Variants in NBAS observed in about 807,000 individuals in gnomAD.
NBAS encodes the protein NAG/BC035112 fusion.
Under a neutral mutation model 302.5 loss-of-function variants are expected in NBAS, and 219 were observed. The observed-to-expected ratio is 0.72, with a 90% CI of 0.65 to 0.81. The LOEUF is 0.81. Among genes scored for constraint, NBAS ranks in the 30% least tolerant of loss-of-function variants. NBAS has a pLI of 0.00. For missense variants in NBAS, 2,932 were observed against 2,841.6 expected (o/e 1.03, Z -0.72); for synonymous variants, 1,118 against 1,021.6 (o/e 1.09, Z -1.80).
At chr2:14,932,224 C>G in the NBAS span, among the ~76,000 whole-genome samples, 54,472 of 151,942 alleles carry the variant, frequency 0.36, 9,968 homozygotes, top group African/African-American at 0.44. Context: ...TGGCATGAAC[C>G]AACCTTTGCA....
At chr2:15,526,504 T>C (rs1662921491) in intron 9 of NBAS, among the ~76,000 whole-genome samples, 2 of 152,174 alleles carry the variant, frequency 1.3e-5, no homozygotes, top group Admixed American at 1.3e-4. Context: ...CAGGCCCACA[T>C]TACTAGAATA....
At chr2:15,250,773 C>T (rs892614919) in intron 44 of NBAS, among the ~76,000 whole-genome samples, 2 of 152,116 alleles carry the variant, frequency 1.3e-5, no homozygotes, top group African/African-American at 4.8e-5. Flanking sequence ...CGTCTCATGC[C>T]GGTTAGAATG....
rs35760010 is a variant in NBAS, at chr2:15,199,896, ATTT to A, written c.6433-9496_6433-9494del. On this transcript the variant is annotated intron_variant, in intron 48 of 51. Coordinates refer to ENST00000281513, the MANE Select transcript of NBAS (RefSeq NM_015909.4). ...CCAAACATTAAAAACAGAAAGCTGG[ATTT>A]TTTTTTTTTTTTTTTTTTTTGAGAC... 8.1e-3 allele frequency among the ~76,000 whole-genome samples: 985 copies of A among 121,396 alleles called. 12 individuals are homozygous for A. The highest frequency in any genetic ancestry group is 0.03 in the African/African-American group (926 of 31,214). 79.6% of individuals were successfully genotyped at this position (121,396 alleles called of 152,430 possible).
chr2:15,300,039 C>T (rs1558514736), intron 40 of NBAS, among the ~76,000 whole-genome samples: 1 of 152,244 alleles, frequency 6.6e-6, no homozygotes. Flanking sequence ...AAAATGCAGG[C>T]GAGGGAGGCA....
chr2:15,026,355 C>A, the NBAS span, among the ~76,000 whole-genome samples: 2 of 42,122 alleles, frequency 4.7e-5, 1 homozygote, highest in Non-Finnish European at 8.1e-5. Flanking sequence ...ACTGGGGAGG[C>A]TGAGGCAGGA....
chr2:15,136,720 T>C, the NBAS span, among the ~76,000 whole-genome samples: 7 of 152,236 alleles, frequency 4.6e-5, no homozygotes, highest in Non-Finnish European at 8.8e-5. Flanking sequence ...GCTTGAATTG[T>C]AGTTCCCACG....
the NBAS span, among the ~76,000 whole-genome samples, chr2:14,850,127 G>A: frequency 7.4e-6 from 1 of 135,188 alleles, no homozygotes. Flanking sequence ...AAAAGGCACA[G>A]ACTGGCAAAT....
chr2:15,374,222 TATAGCTAG>T (rs564336868), intron 31 of NBAS, among the ~76,000 whole-genome samples: 196 of 152,352 alleles, frequency 1.3e-3, no homozygotes, highest in African/African-American at 4.5e-3. Flanking sequence ...TATTTTTATT[TATAGCTAG>T]TTATTAATCT....
the NBAS span, among the ~76,000 whole-genome samples, chr2:14,919,561 T>C: frequency 6.6e-6 from 1 of 152,216 alleles, no homozygotes; most frequent in African/African-American, 2.4e-5. Context: ...TGTTGTTTGA[T>C]AGCATTTTAG....
the NBAS span, among the ~76,000 whole-genome samples, chr2:14,822,089 G>T: frequency 1.3e-5 from 2 of 152,072 alleles, no homozygotes; most frequent in Admixed American, 1.3e-4. Context: ...TTATTAATGC[G>T]ATCATCCTAT....
chr2:15,113,713 C>G, the NBAS span, among the ~76,000 whole-genome samples: 1 of 152,076 alleles, frequency 6.6e-6, no homozygotes, highest in Admixed American at 6.5e-5. Flanking sequence ...TTAGTACCAA[C>G]TCTTTAATTT....
At chr2:15,119,325 T>C in the NBAS span, among the ~76,000 whole-genome samples, 1 of 135,264 alleles carries the variant, frequency 7.4e-6, no homozygotes, top group Admixed American at 7.1e-5. Context: ...TTTTTTTTTT[T>C]TGAGACAGAG....
At chr2:15,309,834 A>G (rs1671198730) in intron 38 of NBAS, among the ~76,000 whole-genome samples, 1 of 152,192 alleles carries the variant, frequency 6.6e-6, no homozygotes, top group Admixed American at 6.5e-5. Context: ...TTTTTACACA[A>G]ACCACAACTT....
In NBAS at chr2:15,493,004, G is replaced by A. The variant is rs539849216; in HGVS notation, c.955-3982C>T. 3.7e-4 allele frequency among the ~76,000 whole-genome samples: 57 copies of A among 152,288 alleles called. No homozygotes were observed. The South Asian group carries it at 0.011, about 30-fold the overall frequency. ...TTATTGTAATCCCCATGTGTCAGGGGAGGGACCTAGTGGGAGGTGACTGGA... is the reference window on the plus strand; with the variant it reads ...TTATTGTAATCCCCATGTGTCAGGGAAGGGACCTAGTGGGAGGTGACTGGA... On this transcript the variant is annotated intron_variant, in intron 11 of 51. Transcript: ENST00000281513.
At chr2:14,798,549 A>G in the NBAS span, among the ~76,000 whole-genome samples, 1 of 152,126 alleles carries the variant, frequency 6.6e-6, no homozygotes, top group Non-Finnish European at 1.5e-5. Context: ...TTTTTTTAGT[A>G]ATAACTTTCT....
At chr2:15,410,564 T>G (rs1676633715) in intron 25 of NBAS, among the ~76,000 whole-genome samples, 1 of 150,868 alleles carries the variant, frequency 6.6e-6, no homozygotes, top group Non-Finnish European at 1.5e-5. Flanking sequence ...TGTATTTGAC[T>G]AAAAGGCATA....
At chr2:14,846,830 ATTAAAAG>A in the NBAS span, among the ~76,000 whole-genome samples, 14 of 152,164 alleles carry the variant, frequency 9.2e-5, no homozygotes, top group African/African-American at 3.4e-4. Context: ...ACACAAAAAA[ATTAAAAG>A]TTAAAAGTTA....
At chr2:14,794,609 G>C in the NBAS span, among the ~76,000 whole-genome samples, 1 of 152,026 alleles carries the variant, frequency 6.6e-6, no homozygotes, top group Non-Finnish European at 1.5e-5. Flanking sequence ...ATTGGGTAAA[G>C]TTTACATATA....
intron 15 of NBAS, among the ~76,000 whole-genome samples, chr2:15,473,843 A>G (rs564153937): frequency 1.3e-5 from 2 of 152,336 alleles, no homozygotes; most frequent in African/African-American, 4.8e-5. Context: ...CCAAGTGGAT[A>G]ATCAGTCTAA....
Sources: gnomAD v4.1 joint callset for allele counts (sites outside exome capture counted in the v4.1 genomes callset) on GRCh38, gnomAD v4.1.1 for gene constraint, MANE v1.5 for transcripts, NCBI Gene and HGNC (gene_info 2026-07-23, HGNC 2026-07-21) for gene names.